The following ASIC2 variants were observed in gnomAD, a reference collection of about 807,000 sequenced individuals.
ASIC2 encodes the protein acid-sensing ion channel 2.
ASIC2 carries 25 observed loss-of-function variants against 57.3 expected under a neutral mutation model. The ratio of observed to expected loss-of-function variants is 0.44; its 90% CI spans 0.32 to 0.61. ASIC2 has a LOEUF of 0.61. Among genes scored for constraint, ASIC2 ranks in the 20% least tolerant of loss-of-function variants. ASIC2 has a pLI of 0.06. For synonymous variants in ASIC2, 319 were observed against 307.5 expected, an observed-to-expected ratio of 1.04 and a Z score of -0.39; for missense variants, 641 against 738.1, an observed-to-expected ratio of 0.87 and a Z score of 1.52.
At chr17:33,442,638 T>G (rs1567862315) in intron 1 of ASIC2, among the ~76,000 whole-genome samples, 1 of 152,202 alleles carries the variant, frequency 6.6e-6, no homozygotes, top group Non-Finnish European at 1.5e-5. Context: ...CTAAATTTGT[T>G]CACTAGTTAT....
chr17:33,975,897 C>T (rs958807215), intron 1 of ASIC2, among the ~76,000 whole-genome samples: 22 of 152,028 alleles, frequency 1.4e-4, no homozygotes, highest in African/African-American at 5.3e-4. Flanking sequence ...GAATGTAAGT[C>T]TCTCCTTTTA....
At chr17:33,240,582 A>T (rs564643623) in intron 1 of ASIC2, among the ~76,000 whole-genome samples, 1 of 152,292 alleles carries the variant, frequency 6.6e-6, no homozygotes, top group South Asian at 2.1e-4. Context: ...CTTTGTCTGG[A>T]TGAGAGTTTG....
intron 1 of ASIC2, among the ~76,000 whole-genome samples, chr17:33,256,454 T>C (rs1909077506): frequency 1.3e-5 from 2 of 152,214 alleles, no homozygotes; most frequent in African/African-American, 4.8e-5. Flanking sequence ...TATATTTTTT[T>C]TACACTCTGC....
chr17:33,020,486 G>A (rs1159172783), intron 7 of ASIC2, among the ~76,000 whole-genome samples: 1 of 152,134 alleles, frequency 6.6e-6, no homozygotes, highest in Admixed American at 6.5e-5. Context: ...ATCCTTTCTT[G>A]AGAGTGAGTG....
intron 1 of ASIC2, among the ~76,000 whole-genome samples, chr17:33,795,661 A>C (rs954565418): frequency 1.3e-5 from 2 of 152,232 alleles, no homozygotes; most frequent in African/African-American, 4.8e-5. Context: ...CAGACACAGA[A>C]ATACCTTCTG....
rs17808426 is a variant in ASIC2 at position 33,065,711 on chromosome 17, A to G, written c.987+23152T>C. 6.5e-3 allele frequency among the ~76,000 whole-genome samples: 983 copies of G among 152,314 alleles called. 10 individuals are homozygous for G. The highest frequency in any genetic ancestry group is 0.028 in the South Asian group (135 of 4,824). ...CATGTGCAAGAAGTAGAGGTAAGGG[A>G]ATGTGTCATTAACATTAGCCTCATG... On this transcript the variant is annotated intron_variant, in intron 3 of 9. Coordinates refer to ENST00000225823, the MANE Select transcript of ASIC2 (RefSeq NM_183377.2).
At chr17:34,121,378 T>C (rs1022436853) in intron 1 of ASIC2, among the ~76,000 whole-genome samples, 3 of 152,198 alleles carry the variant, frequency 2.0e-5, no homozygotes, top group Non-Finnish European at 4.4e-5. Context: ...TGTACTCTCC[T>C]GTCAACCCCA....
intron 1 of ASIC2, among the ~76,000 whole-genome samples, chr17:33,609,032 C>T (rs1334769242): frequency 1.3e-5 from 2 of 152,164 alleles, no homozygotes; most frequent in East Asian, 3.9e-4. Context: ...GGGGGCACAT[C>T]AGGCAAGCTC....
chr17:33,375,434 G>A (rs1909241963), intron 1 of ASIC2, among the ~76,000 whole-genome samples: 1 of 152,134 alleles, frequency 6.6e-6, no homozygotes, highest in Non-Finnish European at 1.5e-5. Context: ...GGAGGTGCAG[G>A]GACAGGCTAT....
chr17:33,178,681 G>A (rs1050359341), intron 1 of ASIC2, among the ~76,000 whole-genome samples: 9 of 152,272 alleles, frequency 5.9e-5, no homozygotes, highest in Middle Eastern at 3.4e-3. Context: ...GCTGATAGGC[G>A]TCATCTCTAC....
intron 1 of ASIC2, among the ~76,000 whole-genome samples, chr17:33,389,680 T>A (rs983137588): frequency 6.6e-6 from 1 of 152,140 alleles, no homozygotes; most frequent in African/African-American, 2.4e-5. Flanking sequence ...AGGAAGAGAT[T>A]TGGAAAGCAC....
intron 1 of ASIC2, among the ~76,000 whole-genome samples, chr17:33,701,722 G>A (rs1401709616): frequency 6.6e-6 from 1 of 152,176 alleles, no homozygotes; most frequent in African/African-American, 2.4e-5. Context: ...TTACCCACTT[G>A]ATCATTAGAG....
intron 1 of ASIC2, among the ~76,000 whole-genome samples, chr17:34,094,317 A>C (rs1910440884): frequency 6.6e-6 from 1 of 152,194 alleles, no homozygotes; most frequent in South Asian, 2.1e-4. Context: ...CTATGTGTCC[A>C]CTACAGCCCA....
intron 2 of ASIC2, 38 bp downstream of exon 2, chr17:33,111,879 C>T (rs760379981): frequency 5.7e-6 from 9 of 1,578,762 alleles, no homozygotes; most frequent in African/African-American, 1.3e-5. Context: ...TGCAACCCTC[C>T]ACCATCACCC....
chr17:33,659,581 A>T (rs1042639220), intron 1 of ASIC2, among the ~76,000 whole-genome samples: 13 of 152,172 alleles, frequency 8.5e-5, no homozygotes, highest in Non-Finnish European at 1.8e-4. Flanking sequence ...ATTAAAAATG[A>T]TACACCTGGC....
At chr17:33,544,673 G>T (rs940683590) in intron 1 of ASIC2, among the ~76,000 whole-genome samples, 1 of 152,012 alleles carries the variant, frequency 6.6e-6, no homozygotes, top group Non-Finnish European at 1.5e-5. Context: ...AGAAAGAAAA[G>T]CATTTCACAA....
intron 1 of ASIC2, among the ~76,000 whole-genome samples, chr17:33,826,764 G>A (rs1472331402): frequency 6.6e-6 from 1 of 152,118 alleles, no homozygotes; most frequent in African/African-American, 2.4e-5. Context: ...AGAGATATAG[G>A]GTGGAAAAGG....
intron 1 of ASIC2, among the ~76,000 whole-genome samples, chr17:33,738,668 G>A (rs963273804): frequency 1.3e-5 from 2 of 152,060 alleles, no homozygotes; most frequent in Non-Finnish European, 2.9e-5. Context: ...TGACCTACTT[G>A]CACTCAATCC....
intron 1 of ASIC2, among the ~76,000 whole-genome samples, chr17:33,459,021 T>A (rs774919598): frequency 6.6e-6 from 1 of 151,938 alleles, no homozygotes; most frequent in African/African-American, 2.4e-5. Flanking sequence ...ACAACGGGGC[T>A]CTTCTGGTTG....
Sources: allele counts gnomAD v4.1 joint callset (sites outside exome capture counted in the v4.1 genomes callset), GRCh38; gene constraint gnomAD v4.1.1; transcripts MANE v1.5; gene names NCBI Gene and HGNC (gene_info 2026-07-23, HGNC 2026-07-21).